ABHD2: variants seen among roughly 807,000 people sequenced by gnomAD.
ABHD2 encodes the protein monoacylglycerol lipase ABHD2.
ABHD2 carries 20 observed loss-of-function variants against 48.1 expected under a neutral mutation model. The observed-to-expected ratio is 0.42, with a 90% confidence interval of 0.29 to 0.60. The LOEUF (loss-of-function observed/expected upper bound fraction) is 0.60, where lower values mean the gene tolerates loss of function less well. ABHD2 is among the 20% of genes least tolerant of loss of function. The pLI is 0.24. For missense variants in ABHD2, 405 were observed against 550.9 expected (o/e 0.74, Z 2.65); for synonymous variants, 209 against 214.2 (o/e 0.98, Z 0.21).
upstream of ABHD2, among the ~76,000 whole-genome samples, chr15:89,084,328 C>T (rs1483809698): frequency 1.3e-5 from 2 of 151,992 alleles, no homozygotes; most frequent in African/African-American, 4.8e-5. This position sits in a 1 kb window ranked among gnomAD's most constrained non-coding sequence, Gnocchi z 4.4. Context: ...GAGACAGAGT[C>T]TCCCTCTGTT....
the ABHD2 span, among the ~76,000 whole-genome samples, chr15:89,063,129 G>T: frequency 6.6e-6 from 1 of 151,036 alleles, no homozygotes; most frequent in Non-Finnish European, 1.5e-5. Context: ...CACCATGCCC[G>T]GCTAATTTTT....
intron 4 of ABHD2, among the ~76,000 whole-genome samples, chr15:89,152,368 C>T (rs570190125): frequency 8.1e-4 from 123 of 152,210 alleles, no homozygotes; most frequent in African/African-American, 2.9e-3. Context: ...CGTGAGCCAC[C>T]GCCCCCAGCC....
intron 4 of ABHD2, among the ~76,000 whole-genome samples, chr15:89,152,792 T>C (rs1191408441): frequency 6.6e-6 from 1 of 152,172 alleles, no homozygotes; most frequent in Non-Finnish European, 1.5e-5. Context: ...CATTGTTCTG[T>C]CTAGCCTATA....
At position 89,196,099 on chromosome 15, in the gene ABHD2, A is replaced by G. The variant is rs373021353; in HGVS notation, c.*676A>G. 5.2e-5 allele frequency: 8 copies of G among 152,698 alleles called. No homozygotes were observed. Among genetic ancestry groups the G allele is most frequent in the South Asian group, 2.1e-4 (1 of 4,824 alleles). 9.5% of individuals were successfully genotyped at this position (152,698 alleles called of 1,614,324 possible). On this transcript the variant is annotated 3_prime_UTR_variant, in exon 11 of 11. Transcript: ENST00000352732. The stretch of plus-strand genomic sequence containing the variant: ...AGAGGCTGATTCACTGGGTCTGGGA[A>G]GGAGCCTGGGGATTTTAATTTTTCA...
chr15:89,193,608 G>A (rs7178662), intron 10 of ABHD2, among the ~76,000 whole-genome samples: 4 of 151,926 alleles, frequency 2.6e-5, no homozygotes, highest in Non-Finnish European at 4.4e-5. Flanking sequence ...TTATCTCAGG[G>A]TTAGGGTTCC....
intron 5 of ABHD2, among the ~76,000 whole-genome samples, chr15:89,156,529 T>C (rs1002915563): frequency 4.6e-5 from 7 of 152,054 alleles, no homozygotes; most frequent in Non-Finnish European, 1.0e-4. Context: ...GGTGGATCAC[T>C]TGAGGTCAGA....
chr15:89,049,856 C>A, the ABHD2 span, among the ~76,000 whole-genome samples: 3 of 152,202 alleles, frequency 2.0e-5, no homozygotes, highest in Admixed American at 2.0e-4. Context: ...TCTTTTGCAT[C>A]GCTCATGCTG....
chr15:89,159,944 T>A (rs957964145), intron 5 of ABHD2, among the ~76,000 whole-genome samples: 14 of 152,238 alleles, frequency 9.2e-5, no homozygotes, highest in Non-Finnish European at 1.8e-4. Context: ...TACTTGTTAA[T>A]AATTTCTTTT....
At chr15:89,045,747 G>A in the ABHD2 span, among the ~76,000 whole-genome samples, 1 of 152,220 alleles carries the variant, frequency 6.6e-6, no homozygotes, top group African/African-American at 2.4e-5. Flanking sequence ...CATTGATTTT[G>A]TATCCTGAGA....
intron 5 of ABHD2, among the ~76,000 whole-genome samples, chr15:89,165,149 G>T (rs1596136216): frequency 2.0e-5 from 3 of 152,320 alleles, no homozygotes; most frequent in African/African-American, 7.2e-5. Flanking sequence ...ACAACCTTCA[G>T]TATTGGCCTC....
rs1026944253 is a variant in ABHD2, at chr15:89,188,935, G to A, written c.926+632G>A. ...ACAGAAGATAGACCAAGAGGACTAT[G>A]TGTTTCAAGCAAAATGGACAGAGCC... On this transcript the variant is annotated intron_variant, in intron 8 of 10. Transcript: ENST00000352732. This position sits in a 1 kb window ranked among gnomAD's most constrained non-coding sequence, Gnocchi z 4.1. 1.4e-4 allele frequency among the ~76,000 whole-genome samples: 22 copies of A among 151,810 alleles called. No individual in the cohort carries two copies. Among genetic ancestry groups the A allele is most frequent in the African/African-American group, 5.3e-4 (22 of 41,358 alleles).
At chr15:89,193,177 C>T in intron 9 of ABHD2, 58 bp from the exon 10 acceptor site, 3 of 1,531,688 alleles carry the variant, frequency 2.0e-6, no homozygotes, top group Non-Finnish European at 1.8e-6. Context: ...AGCCTTGAAT[C>T]GATGGGGTCT....
the ABHD2 span, among the ~76,000 whole-genome samples, chr15:89,067,867 C>A: frequency 2.0e-5 from 3 of 152,176 alleles, no homozygotes; most frequent in Admixed American, 2.0e-4. Flanking sequence ...TCTCCACTCA[C>A]AGCCTGATGC....
chr15:89,068,913 C>G, the ABHD2 span, among the ~76,000 whole-genome samples: 1 of 150,682 alleles, frequency 6.6e-6, no homozygotes, highest in Non-Finnish European at 1.5e-5. Flanking sequence ...GGACTACAGG[C>G]GCATGCCACC....
At chr15:89,130,118 A>G (rs2050196096) in intron 3 of ABHD2, among the ~76,000 whole-genome samples, 1 of 152,268 alleles carries the variant, frequency 6.6e-6, no homozygotes, top group African/African-American at 2.4e-5. Context: ...TTCAGAGGAA[A>G]ATATGGCAAT....
At position 89,106,315 on chromosome 15, in the gene ABHD2, A is replaced by G. The variant is rs953619644; in HGVS notation, c.-106-7410A>G. On this transcript the variant is annotated intron_variant, in intron 1 of 10. Transcript: ENST00000352732. The surrounding 1 kb of genome is among the most constrained non-coding windows in gnomAD (Gnocchi z 4.2). The stretch of plus-strand genomic sequence containing the variant: ...CTCCATCTCAAAAACAAACAAACCC[A>G]GAGTATTTGAGCACCGTGATGACTC... 6.5e-6 allele frequency: 1 copy of G among 152,804 alleles called. No individual in the cohort carries two copies. The highest frequency in any genetic ancestry group is 2.4e-5 in the African/African-American group (1 of 41,466). The allele number at this position is 152,804 out of a possible 1,614,324, so 9.5% of individuals were successfully genotyped here. A position where few individuals can be genotyped will look rare whatever the true frequency, so the allele number is the denominator to read the frequency against.
the ABHD2 span, among the ~76,000 whole-genome samples, chr15:89,044,264 T>C: frequency 1.2e-4 from 18 of 152,330 alleles, no homozygotes; most frequent in Middle Eastern, 3.4e-3. Context: ...TGGTATTCCA[T>C]GGTGTATATG....
the ABHD2 span, among the ~76,000 whole-genome samples, chr15:89,062,233 G>T: frequency 6.6e-6 from 1 of 152,166 alleles, no homozygotes; most frequent in Non-Finnish European, 1.5e-5. Flanking sequence ...AGTGTGTGAA[G>T]AAGGGTGTTA....
chr15:89,070,356 G>A, the ABHD2 span, among the ~76,000 whole-genome samples: 1 of 152,164 alleles, frequency 6.6e-6, no homozygotes, highest in African/African-American at 2.4e-5. Flanking sequence ...TCCTAGAGGG[G>A]CAACAGATAT....
Sources: allele counts gnomAD v4.1 joint callset (sites outside exome capture counted in the v4.1 genomes callset), GRCh38; gene constraint gnomAD v4.1.1; non-coding constraint Gnocchi (gnomAD v3.1); transcripts MANE v1.5; gene names NCBI Gene and HGNC (gene_info 2026-07-23, HGNC 2026-07-21).